Variants in WASF1 observed in about 807,000 individuals in gnomAD.
WASF1 encodes the protein WASP family member 1, also known as actin-binding protein WASF1.
WASF1 carries 7 observed loss-of-function variants against 50.5 expected under a neutral mutation model. The observed-to-expected ratio is 0.14, with a 90% CI of 0.08 to 0.26. The LOEUF (loss-of-function observed/expected upper bound fraction) is 0.26. WASF1 is among the 10% of genes least tolerant of loss of function. The pLI, the probability that WASF1 is intolerant of heterozygous loss-of-function variation, is 1.00. For missense variants in WASF1, 470 were observed against 694.7 expected, an observed-to-expected ratio of 0.68 and a Z score of 3.64; for synonymous variants, 205 against 244.0, an observed-to-expected ratio of 0.84 and a Z score of 1.49.
intron 2 of WASF1, among the ~76,000 whole-genome samples, chr6:110,177,959 T>A (rs1427479975): frequency 2.0e-5 from 3 of 148,528 alleles, no homozygotes; most frequent in East Asian, 2.0e-4. Context: ...AAAAAAAAAA[T>A]TTCATCCTTC....
chr6:110,110,016 T>G (rs1248419065), intron 5 of WASF1, among the ~76,000 whole-genome samples: 2 of 152,216 alleles, frequency 1.3e-5, no homozygotes, highest in Non-Finnish European at 2.9e-5. Flanking sequence ...ATTCCACTGC[T>G]GCATGACCTG....
In WASF1 at chr6:110,121,829, A is replaced by G. The variant is rs186265528; in HGVS notation, c.133+5640T>C. Among the ~76,000 whole-genome samples, 988 of 152,320 alleles carry G rather than the reference A, an allele frequency of 6.5e-3. 22 individuals are homozygous for G. Among genetic ancestry groups the G allele is most frequent in the Non-Finnish European group, 6.4e-3 (437 of 68,026 alleles). On this transcript the variant is annotated intron_variant, in intron 4 of 10. Coordinates refer to ENST00000392589, the MANE Select transcript of WASF1 (RefSeq NM_003931.3). The stretch of plus-strand genomic sequence containing the variant: ...ACTGGATTAAGAAAATGTGGTACAT[A>G]TACACCATGGAATACTATGTAGCCA...
At chr6:110,166,336 T>C (rs1428675995) in intron 2 of WASF1, among the ~76,000 whole-genome samples, 1 of 151,740 alleles carries the variant, frequency 6.6e-6, no homozygotes, top group Non-Finnish European at 1.5e-5. Flanking sequence ...TTTTAAATGT[T>C]TTAAAAATAT....
chr6:110,131,031 T>G (rs1309785176), intron 3 of WASF1, among the ~76,000 whole-genome samples: 1 of 152,230 alleles, frequency 6.6e-6, no homozygotes, highest in Non-Finnish European at 1.5e-5. Flanking sequence ...TTTGGCCATT[T>G]GTTGTGTTAG....
intron 4 of WASF1, among the ~76,000 whole-genome samples, chr6:110,115,128 A>C (rs143136968): frequency 1.4e-4 from 21 of 151,428 alleles, no homozygotes; most frequent in African/African-American, 4.9e-4. Context: ...AAAACAAAAC[A>C]GAAAAGAAAA....
Position 110,107,072 on chromosome 6 carries a change from A to T in WASF1, c.540+5T>A, listed in dbSNP as rs1214979506. 6.3e-7 allele frequency: 1 copy of T among 1,582,686 alleles called. No individual in the cohort carries two copies. Among genetic ancestry groups the T allele is most frequent in the Non-Finnish European group, 8.6e-7 (1 of 1,160,768 alleles). ...TAACCTCAATTTTTTAATCTCTTGT[A>T]ATACCTTCTGCTTCCTCTTTTCCTT... is the stretch of plus-strand genomic sequence containing the variant. On this transcript the variant is annotated splice_donor_5th_base_variant and intron_variant, in intron 7 of 10. Transcript: ENST00000392589.
chr6:110,164,902 G>A (rs1310288837), intron 2 of WASF1, among the ~76,000 whole-genome samples: 1 of 151,546 alleles, frequency 6.6e-6, no homozygotes. Flanking sequence ...TACATGGGAG[G>A]AACCTTAAAT....
intron 2 of WASF1, among the ~76,000 whole-genome samples, chr6:110,178,166 A>G (rs1228079871): frequency 6.6e-6 from 1 of 152,182 alleles, no homozygotes; most frequent in Non-Finnish European, 1.5e-5. Flanking sequence ...CCTTCCATTC[A>G]ATGGAAGGCA....
At chr6:110,101,510 A>T in intron 10 of WASF1, 78 bp downstream of exon 10, 2 of 1,511,928 alleles carry the variant, frequency 1.3e-6, no homozygotes, top group Non-Finnish European at 1.8e-6. Context: ...ATAGATAAGG[A>T]ACACATTTTT....
intron 3 of WASF1, among the ~76,000 whole-genome samples, chr6:110,148,373 T>C (rs1775673885): frequency 6.6e-6 from 1 of 152,036 alleles, no homozygotes. Context: ...CTAATTACGC[T>C]TATAAGTATA....
chr6:110,164,702 T>C (rs748768442), intron 2 of WASF1, among the ~76,000 whole-genome samples: 3 of 151,648 alleles, frequency 2.0e-5, no homozygotes. Flanking sequence ...TCTTTGATAT[T>C]TACCCAAAGA....
At chr6:110,132,058 A>G (rs1435949192) in intron 3 of WASF1, among the ~76,000 whole-genome samples, 1 of 152,128 alleles carries the variant, frequency 6.6e-6, no homozygotes, top group Non-Finnish European at 1.5e-5. Flanking sequence ...CTACTTCAGG[A>G]TTTTTAAAAG....
intron 4 of WASF1, among the ~76,000 whole-genome samples, chr6:110,125,877 T>C (rs1409205548): frequency 1.3e-5 from 2 of 152,198 alleles, no homozygotes; most frequent in Admixed American, 6.5e-5. Flanking sequence ...ATGTTGCTTA[T>C]ATGGACTATA....
chr6:110,171,923 C>T (rs928101812), intron 2 of WASF1, among the ~76,000 whole-genome samples: 1 of 152,102 alleles, frequency 6.6e-6, no homozygotes, highest in African/African-American at 2.4e-5. Flanking sequence ...CCAACAGACA[C>T]ATGAAAAAAT....
chr6:110,127,069 A>G (rs1774448479), intron 4 of WASF1, among the ~76,000 whole-genome samples: 1 of 152,180 alleles, frequency 6.6e-6, no homozygotes, highest in African/African-American at 2.4e-5. Flanking sequence ...ATATTTCCCT[A>G]AACTAATTAA....
chr6:110,131,552 G>A (rs1774671454), intron 3 of WASF1, among the ~76,000 whole-genome samples: 1 of 152,128 alleles, frequency 6.6e-6, no homozygotes, highest in Non-Finnish European at 1.5e-5. Context: ...CTGTTGCTCA[G>A]GCTGGAGTGC....
At chr6:110,123,076 G>C (rs1480399290) in intron 4 of WASF1, among the ~76,000 whole-genome samples, 1 of 152,032 alleles carries the variant, frequency 6.6e-6, no homozygotes, top group Non-Finnish European at 1.5e-5. Flanking sequence ...ACCTGATGAG[G>C]GTTAGAGAAG....
chr6:110,174,862 C>T (rs112471008), intron 2 of WASF1, among the ~76,000 whole-genome samples: 1,943 of 152,266 alleles, frequency 0.013, 48 homozygotes, highest in African/African-American at 0.045. Context: ...GATCTTTCCA[C>T]ATGGAACAGA....
At chr6:110,104,113 G>A (rs780691034) in intron 8 of WASF1, among the ~76,000 whole-genome samples, 13 of 151,748 alleles carry the variant, frequency 8.6e-5, no homozygotes, top group South Asian at 8.3e-4. Flanking sequence ...AAGGTGCAAG[G>A]GTACTCAGAA....
Sources: allele counts gnomAD v4.1 joint callset (sites outside exome capture counted in the v4.1 genomes callset), GRCh38; gene constraint gnomAD v4.1.1; transcripts MANE v1.5; gene names NCBI Gene and HGNC (gene_info 2026-07-23, HGNC 2026-07-21).